The following TLN1 variants were observed in gnomAD, a reference collection of about 807,000 sequenced individuals.
TLN1 encodes the protein talin-1.
A neutral mutation model predicts 292.3 loss-of-function variants in TLN1; 56 were observed. The ratio of observed to expected loss-of-function variants is 0.19; its 90% CI spans 0.15 to 0.24. The LOEUF (loss-of-function observed/expected upper bound fraction) is 0.24. Among genes scored for constraint, TLN1 ranks in the 10% least tolerant of loss-of-function variants. TLN1 has a pLI of 1.00. For synonymous variants in TLN1, 1,119 were observed against 1,253.7 expected (o/e 0.89, Z 2.27); for missense variants, 2,433 against 3,248.2 (o/e 0.75, Z 6.10).
At position 35,725,323 on chromosome 9, in the gene TLN1, TAA is replaced by T; in HGVS notation, c.131-4_131-3del. ...ACAGAAAGAGCCCAAAGTCGCTGGC[TAA>T]AAGAGAGGATGGATCACTTTAGGCT... is the stretch of plus-strand genomic sequence containing the variant. On this transcript the variant is annotated splice_polypyrimidine_tract_variant and splice_region_variant and intron_variant, in intron 2 of 56. Transcript: ENST00000314888. 1 of 1,614,068 alleles carries T rather than the reference TAA, an allele frequency of 6.2e-7. No individual in the cohort carries two copies. Among genetic ancestry groups the T allele is most frequent in the Non-Finnish European group, 8.5e-7 (1 of 1,179,950 alleles).
Position 35,697,911 on chromosome 9 carries a change from G to A in TLN1, c.7506C>T (p.Ile2502=), listed in dbSNP as rs756393218. ...TCCGAAGCATTTCTTCCTGTGCTGCGATGATCTGAGGGTGGAGATCGGGGA... is the reference window on the plus strand; with the variant it reads ...TCCGAAGCATTTCTTCCTGTGCTGCAATGATCTGAGGGTGGAGATCGGGGA... ...EKMVGGIAQI[I]AAQEEMLRKE... Residue 2502 remains isoleucine (I), a synonymous_variant, in exon 57 of 57, where the codon ATC becomes ATT. Transcript: ENST00000314888. 14 of 1,614,016 alleles carry A rather than the reference G, an allele frequency of 8.7e-6. No individual in the cohort carries two copies. Among genetic ancestry groups the A allele is most frequent in the East Asian group, 4.5e-5 (2 of 44,894 alleles).
At position 35,723,101 on chromosome 9, in the gene TLN1, CTCT is replaced by C. The variant is rs201329536; in HGVS notation, c.783-183_783-181del. 2,085 of 514,100 alleles carry C rather than the reference CTCT, an allele frequency of 4.1e-3. 15 individuals are homozygous for C. Among genetic ancestry groups the C allele is most frequent in the African/African-American group, 0.017 (834 of 49,390 alleles). The allele number at this position is 514,100 out of a possible 1,614,324, so 31.8% of individuals were successfully genotyped here. On this transcript the variant is annotated intron_variant, in intron 7 of 56. Transcript: ENST00000314888. ...TGAAATAGAGGTGACTTCGTGTAAA[CTCT>C]TCTTTTTTTTTTTTGAGATGGAGTT... is the stretch of plus-strand genomic sequence containing the variant.
intron 20 of TLN1, among the ~76,000 whole-genome samples, chr9:35,715,505 A>G (rs933412026): frequency 2.0e-5 from 3 of 152,248 alleles, no homozygotes; most frequent in African/African-American, 7.2e-5. Context: ...AGTTTAGAGC[A>G]GGCATCTCAG....
In TLN1 at chr9:35,698,116, C is replaced by T. The variant is rs1305873471; in HGVS notation, c.7428G>A (p.Lys2476=). 6 of 1,613,996 alleles carry T rather than the reference C, an allele frequency of 3.7e-6. No homozygotes were observed. In the African/African-American group the frequency reaches 8.0e-5, roughly 22 times the overall value. ...TCTCCTGCTCTTCAAAGGCTGCAGC[C>T]TTCTGTGCTGCTTTCACCAGATTAT... The part of the protein sequence containing the change: ...ASDNLVKAAQ[K]AAAFEEQENE... The change falls in exon 56 of 57, where the codon AAG becomes AAA. Residue 2476 remains lysine, a synonymous_variant. Coordinates refer to ENST00000314888, the MANE Select transcript of TLN1 (RefSeq NM_006289.4). The surrounding 1 kb of genome is among the most constrained non-coding windows in gnomAD (Gnocchi z 5.3).
chr9:35,706,094 C>T lies in TLN1; in HGVS notation c.5379G>A (p.Gln1793=). The change falls in exon 41 of 57, where the codon CAG becomes CAA. Residue 1793 remains glutamine (Q), a synonymous_variant. Coordinates refer to ENST00000314888, the MANE Select transcript of TLN1 (RefSeq NM_006289.4). This position sits in a 1 kb window ranked among gnomAD's most constrained non-coding sequence, Gnocchi z 4.2. ...GGNPKQAAHT[Q]EALEEAVQMM... is the part of the protein sequence containing the mutation. ...TCTGCACAGCCTCCTCCAGGGCTTCCTGGGTGTGAGCTGCTTGCTGTGGGG... is the reference window on the plus strand; with the variant it reads ...TCTGCACAGCCTCCTCCAGGGCTTCTTGGGTGTGAGCTGCTTGCTGTGGGG... 6.2e-7 allele frequency: 1 copy of T among 1,614,168 alleles called. No homozygotes were observed. Among genetic ancestry groups the T allele is most frequent in the Non-Finnish European group, 8.5e-7 (1 of 1,180,016 alleles).
In TLN1 at chr9:35,712,135, A is replaced by G; in HGVS notation, c.3562-11T>C. The G allele has an allele frequency of 6.2e-7, 1 of 1,611,102 alleles. No individual in the cohort carries two copies. The highest frequency in any genetic ancestry group is 8.5e-7 in the Non-Finnish European group (1 of 1,178,896). ...CACTGCTTTAGCCACCTGGGGTGAG[A>G]AAGGAGACAGGGTTGCCCAAGTGAA... On this transcript the variant is annotated splice_polypyrimidine_tract_variant and intron_variant, in intron 27 of 56. Coordinates refer to ENST00000314888, the MANE Select transcript of TLN1 (RefSeq NM_006289.4).
chr9:35,707,405 C>T lies in TLN1; in HGVS notation c.4716G>A (p.Leu1572=). 1.2e-6 allele frequency: 2 copies of T among 1,614,166 alleles called. No homozygotes were observed. Among genetic ancestry groups the T allele is most frequent in the Non-Finnish European group, 1.7e-6 (2 of 1,180,032 alleles). Residue 1572 remains leucine (L), a synonymous_variant, in exon 36 of 57, where the codon CTG becomes CTA. Transcript: ENST00000314888. This position sits in a 1 kb window ranked among gnomAD's most constrained non-coding sequence, Gnocchi z 5.6. The part of the protein sequence containing the change: ...TAPLLEAVDN[L]SAFASNPEFS... ...ACTCAGGGTTGGACGCAAAGGCACT[C>T]AGATTGTCCACAGCCTCCAGCAGAG...
chr9:35,720,695 G>A (rs1825865856), intron 11 of TLN1, 117 bp downstream of exon 11: 9 of 1,083,394 alleles, frequency 8.3e-6, no homozygotes, highest in South Asian at 4.1e-5. Context: ...GCAAGATCTC[G>A]GCTCATTGCA....
Position 35,707,856 on chromosome 9 carries a change from A to T in TLN1, c.4507T>A (p.Ser1503Thr), listed in dbSNP as rs753888778. 1 of 1,614,164 alleles carries T rather than the reference A, an allele frequency of 6.2e-7. No homozygotes were observed. The highest frequency in any genetic ancestry group is 2.2e-5 in the East Asian group (1 of 44,870). ...SAATIVAKHT[S>T]ALCNSCRLAS... is the part of the protein sequence containing the mutation. ...AGGCGACAGCTGTTACACAGTGCAGAGGTGTGTTTAGCCACAATGGTGGCT... is the reference window on the plus strand; with the variant it reads ...AGGCGACAGCTGTTACACAGTGCAGTGGTGTGTTTAGCCACAATGGTGGCT... The change falls in exon 35 of 57, where the codon TCT becomes ACT. Residue 1503 changes from serine to threonine, a missense_variant. By Grantham distance (58) the Ser-to-Thr change is moderately conservative. Around this residue, in one of 7 missense-constraint regions of TLN1, gnomAD observed 1,384 missense variants for 1,699.6 expected, o/e 0.81. Coordinates refer to ENST00000314888, the MANE Select transcript of TLN1 (RefSeq NM_006289.4). This position sits in a 1 kb window ranked among gnomAD's most constrained non-coding sequence, Gnocchi z 5.6.
intron 1 of TLN1, among the ~76,000 whole-genome samples, chr9:35,727,630 G>T (rs114079892): frequency 3.0e-4 from 45 of 152,282 alleles, no homozygotes; most frequent in African/African-American, 1.1e-3. Flanking sequence ...TGTCCCAGCT[G>T]GACAGACCTG....
At position 35,698,778 on chromosome 9, in the gene TLN1, C is replaced by T; in HGVS notation, c.7125+30G>A. 1.2e-6 allele frequency: 2 copies of T among 1,613,726 alleles called. No individual in the cohort carries two copies. The highest frequency in any genetic ancestry group is 1.7e-6 in the Non-Finnish European group (2 of 1,179,664). ...TGTGGACATCAAAGTGCCAACCTGT[C>T]CCCATTCTTCTGGGTATTTAAGCAC... On this transcript the variant is annotated intron_variant, in intron 53 of 56. Coordinates refer to ENST00000314888, the MANE Select transcript of TLN1 (RefSeq NM_006289.4). This position sits in a 1 kb window ranked among gnomAD's most constrained non-coding sequence, Gnocchi z 5.3.
rs1825575078 is a variant in TLN1, at chr9:35,706,937, C to G, written c.4956-37G>C. 1 of 1,611,536 alleles carries G rather than the reference C, an allele frequency of 6.2e-7. No homozygotes were observed. Among genetic ancestry groups the G allele is most frequent in the East Asian group, 2.2e-5 (1 of 44,854 alleles). ...TCATGGGCTCCAACACCAAGAACAT[C>G]CCCTACTGCAAGGCCAGCCTATCCT... On this transcript the variant is annotated intron_variant, in intron 37 of 56. Transcript: ENST00000314888. This position sits in a 1 kb window ranked among gnomAD's most constrained non-coding sequence, Gnocchi z 4.2.
Position 35,715,978 on chromosome 9 carries a change from A to T in TLN1, c.2625+412T>A, listed in dbSNP as rs998321272. On this transcript the variant is annotated intron_variant, in intron 20 of 56. Transcript: ENST00000314888. ...ATAAATATTTGGATAAATGATGGAT[A>T]TGTTAATTACTCTGATCTGATTACT... Among the ~76,000 whole-genome samples, 7 of 152,294 alleles carry T rather than the reference A, an allele frequency of 4.6e-5. No homozygotes were observed. In the South Asian group the frequency reaches 1.5e-3, roughly 32 times the overall value.
chr9:35,700,048 C>A lies in TLN1; in HGVS notation c.6694G>T (p.Val2232Leu), dbSNP rs749106140. ...CCATAGTGCAGGGCTCGAAGCCGCACATCAGGGGCCACTTCTGGGTGGTAA... is the reference window on the plus strand; with the variant it reads ...CCATAGTGCAGGGCTCGAAGCCGCAAATCAGGGGCCACTTCTGGGTGGTAA... ...AAYHPEVAPD[V>L]RLRALHYGRE... Residue 2232 changes from valine to leucine, a missense_variant, in exon 50 of 57, where the codon GTG becomes TTG. Physicochemically the swap from Val to Leu is conservative, Grantham distance 32. Transcript: ENST00000314888. 6.2e-7 allele frequency: 1 copy of A among 1,613,364 alleles called. No homozygotes were observed. The highest frequency in any genetic ancestry group is 8.5e-7 in the Non-Finnish European group (1 of 1,179,478).
At chr9:35,730,549 C>G (rs1176932296) in intron 1 of TLN1, among the ~76,000 whole-genome samples, 3 of 152,022 alleles carry the variant, frequency 2.0e-5, no homozygotes, top group Non-Finnish European at 4.4e-5. Flanking sequence ...AATGTAGGTA[C>G]ATGACTGGGT....
intron 25 of TLN1, 64 bp downstream of exon 25, chr9:35,713,889 T>C (rs1399954406): frequency 3.8e-6 from 6 of 1,599,234 alleles, no homozygotes; most frequent in Non-Finnish European, 5.1e-6. Flanking sequence ...TGAGCAGCTC[T>C]GGGGCACGGA....
Position 35,720,519 on chromosome 9 carries a change from G to A in TLN1, c.1207-10C>T. 2 of 1,613,210 alleles carry A rather than the reference G, an allele frequency of 1.2e-6. No homozygotes were observed. The highest frequency in any genetic ancestry group is 1.7e-6 in the Non-Finnish European group (2 of 1,179,620). On this transcript the variant is annotated splice_polypyrimidine_tract_variant and intron_variant, in intron 11 of 56. Coordinates refer to ENST00000314888, the MANE Select transcript of TLN1 (RefSeq NM_006289.4). ...GATCCTTGCTTTTTTTCTGTAGGAAGGAAAAAGGAACAAGAGTTGGGATAG... is the reference window on the plus strand; with the variant it reads ...GATCCTTGCTTTTTTTCTGTAGGAAAGAAAAAGGAACAAGAGTTGGGATAG...
intron 3 of TLN1, 81 bp from the exon 4 acceptor site, chr9:35,725,040 A>T: frequency 6.3e-7 from 1 of 1,598,414 alleles, no homozygotes; most frequent in Non-Finnish European, 8.5e-7. Flanking sequence ...GAGGGGAGAG[A>T]GTGGAGCACT....
Position 35,717,656 on chromosome 9 carries a change from C to T in TLN1, c.2126G>A (p.Cys709Tyr). The change falls in exon 18 of 57, where the codon TGT becomes TAT. Residue 709 changes from cysteine to tyrosine, a missense_variant. By Grantham distance (194) the Cys-to-Tyr change is radical (BLOSUM62 -2). Transcript: ENST00000314888. This position sits in a 1 kb window ranked among gnomAD's most constrained non-coding sequence, Gnocchi z 4.7. ...QTQVIAAATQ[C>Y]ALSTSQLVAC... is the part of the protein sequence containing the mutation. ...CACTAGTTGGGAAGTGGATAGGGCA[C>T]ACTGTGTTGCTGCAGCAATAACTTG... 1 of 1,614,086 alleles carries T rather than the reference C, an allele frequency of 6.2e-7. No individual in the cohort carries two copies. The highest frequency in any genetic ancestry group is 1.3e-5 in the African/African-American group (1 of 75,046).
Sources: gnomAD v4.1 joint callset for allele counts (sites outside exome capture counted in the v4.1 genomes callset) on GRCh38, gnomAD v4.1.1 for gene constraint, gnomAD v4.1.1 regional missense constraint, Gnocchi (gnomAD v3.1) non-coding constraint, MANE v1.5 for transcripts, NCBI Gene and HGNC (gene_info 2026-07-23, HGNC 2026-07-21) for gene names.